WIPF3: variants seen among roughly 807,000 people sequenced by gnomAD.
WIPF3 encodes the protein WAS/WASL-interacting protein family member 3.
Under a neutral mutation model 38.9 loss-of-function variants are expected in WIPF3, and 33 were observed. The observed-to-expected ratio is 0.85, with a 90% CI of 0.64 to 1.14. The LOEUF is 1.14. WIPF3 is among the 50% of genes most tolerant of loss of function. WIPF3 has a pLI of 0.00. For missense variants in WIPF3, 711 were observed against 652.5 expected (o/e 1.09, Z -0.98); for synonymous variants, 324 against 269.3 (o/e 1.20, Z -1.99).
intron 2 of WIPF3, among the ~76,000 whole-genome samples, chr7:29,861,451 G>T (rs1032854631): frequency 3.9e-5 from 6 of 152,156 alleles, no homozygotes; most frequent in African/African-American, 1.4e-4. Context: ...AAGGGGTGGT[G>T]GCAGGGGTAC....
At chr7:29,861,193 A>G (rs1475000809) in intron 2 of WIPF3, among the ~76,000 whole-genome samples, 2 of 151,772 alleles carry the variant, frequency 1.3e-5, no homozygotes, top group African/African-American at 4.8e-5. Context: ...ATTTCCCCCT[A>G]CTCTGTCCCT....
At chr7:29,842,548 A>G (rs981779102) in intron 2 of WIPF3, among the ~76,000 whole-genome samples, 1 of 152,184 alleles carries the variant, frequency 6.6e-6, no homozygotes, top group Non-Finnish European at 1.5e-5. Flanking sequence ...TTGTAGTCTA[A>G]GGATTGCATG....
chr7:29,880,579 T>G (rs1416915479), intron 4 of WIPF3, among the ~76,000 whole-genome samples: 1 of 152,144 alleles, frequency 6.6e-6, no homozygotes, highest in East Asian at 1.9e-4. Context: ...CAGTTTCTCT[T>G]CATAGAAGAT....
At chr7:29,833,682 A>G (rs1430038460) in intron 1 of WIPF3, among the ~76,000 whole-genome samples, 2 of 152,214 alleles carry the variant, frequency 1.3e-5, no homozygotes, top group African/African-American at 2.4e-5. Context: ...TTTAAAGATG[A>G]AAAAACATAG....
chr7:29,818,025 T>C (rs1054036679), intron 1 of WIPF3, among the ~76,000 whole-genome samples: 1 of 152,218 alleles, frequency 6.6e-6, no homozygotes, highest in Non-Finnish European at 1.5e-5. Context: ...TTAGGTATAC[T>C]TTTTTAAAGT....
chr7:29,886,043 A>G (rs553128784), intron 5 of WIPF3, among the ~76,000 whole-genome samples: 39 of 152,212 alleles, frequency 2.6e-4, no homozygotes, highest in Non-Finnish European at 5.6e-4. Context: ...AATATATTCC[A>G]TATTCCTCAT....
At chr7:29,829,171 A>G (rs922764296) in intron 1 of WIPF3, among the ~76,000 whole-genome samples, 4 of 143,750 alleles carry the variant, frequency 2.8e-5, no homozygotes, top group African/African-American at 7.8e-5. Flanking sequence ...ATCCCTTAGC[A>G]CTCTCTACCT....
chr7:29,853,384 GCTT>G (rs1785136843), intron 2 of WIPF3, among the ~76,000 whole-genome samples: 1 of 152,186 alleles, frequency 6.6e-6, no homozygotes, highest in African/African-American at 2.4e-5. Context: ...CTATGGCTGT[GCTT>G]CTCACAGGGA....
At chr7:29,851,116 C>T (rs1785088045) in intron 2 of WIPF3, among the ~76,000 whole-genome samples, 1 of 152,128 alleles carries the variant, frequency 6.6e-6, no homozygotes, top group Middle Eastern at 3.2e-3. Flanking sequence ...TACAGCAAAC[C>T]CTCCTGTGTC....
chr7:29,826,912 A>T (rs1161982492), intron 1 of WIPF3, among the ~76,000 whole-genome samples: 4 of 152,206 alleles, frequency 2.6e-5, no homozygotes, highest in Admixed American at 2.0e-4. Context: ...CACTAATGAC[A>T]CTGTGTGACC....
At chr7:29,837,318 T>G (rs1178710287) in intron 2 of WIPF3, among the ~76,000 whole-genome samples, 2 of 152,172 alleles carry the variant, frequency 1.3e-5, no homozygotes, top group Non-Finnish European at 2.9e-5. Context: ...ACCACGCCAC[T>G]GCACTCCAGC....
At chr7:29,852,381 C>A (rs966102868) in intron 2 of WIPF3, among the ~76,000 whole-genome samples, 1 of 152,212 alleles carries the variant, frequency 6.6e-6, no homozygotes, top group African/African-American at 2.4e-5. Context: ...GTGCCATGAC[C>A]ATACCACATC....
At chr7:29,816,773 T>C (rs953455212) in intron 1 of WIPF3, among the ~76,000 whole-genome samples, 1 of 152,228 alleles carries the variant, frequency 6.6e-6, no homozygotes, top group Non-Finnish European at 1.5e-5. Flanking sequence ...CATAATTTAA[T>C]AATTAGTTTT....
chr7:29,829,407 C>A (rs917976366), intron 1 of WIPF3, among the ~76,000 whole-genome samples: 13 of 151,806 alleles, frequency 8.6e-5, no homozygotes, highest in Non-Finnish European at 1.6e-4. Flanking sequence ...TTAGTAGAGA[C>A]GGGGTTTCAC....
intron 1 of WIPF3, among the ~76,000 whole-genome samples, chr7:29,809,758 G>A (rs1437348028): frequency 1.3e-5 from 2 of 152,284 alleles, no homozygotes; most frequent in East Asian, 3.9e-4. Context: ...AGTGAACTGC[G>A]GTGTTCAAGT....
chr7:29,828,719 A>G (rs879739919), intron 1 of WIPF3, among the ~76,000 whole-genome samples: 17 of 152,098 alleles, frequency 1.1e-4, no homozygotes, highest in Non-Finnish European at 2.4e-4. Context: ...GCGCTCTTTC[A>G]CCTGTTATTT....
intron 2 of WIPF3, among the ~76,000 whole-genome samples, chr7:29,845,295 G>A (rs555396390): frequency 2.6e-5 from 4 of 152,198 alleles, no homozygotes; most frequent in Non-Finnish European, 5.9e-5. Flanking sequence ...GCAGTGCGGG[G>A]CACATAGTGA....
rs537451929 is a variant in WIPF3, at chr7:29,883,108, C to G, written c.356-742C>G. 1.6e-4 allele frequency among the ~76,000 whole-genome samples: 24 copies of G among 152,312 alleles called. No homozygotes were observed. In the Middle Eastern group the frequency reaches 0.017, roughly 108 times the overall value. On this transcript the variant is annotated intron_variant, in intron 4 of 8. Transcript: ENST00000242140. ...ATGAAAACCAAACGCAAATGCTTAT[C>G]AAGAGCCAATGGTTGTTGTTGAATT...
chr7:29,810,846 A>G (rs907924534), intron 1 of WIPF3, among the ~76,000 whole-genome samples: 4 of 152,188 alleles, frequency 2.6e-5, no homozygotes, highest in African/African-American at 7.2e-5. Context: ...AATGAGGATA[A>G]TAATAGTATT....
Sources: gnomAD v4.1 joint callset for allele counts (sites outside exome capture counted in the v4.1 genomes callset) on GRCh38, gnomAD v4.1.1 for gene constraint, MANE v1.5 for transcripts, NCBI Gene and HGNC (gene_info 2026-07-23, HGNC 2026-07-21) for gene names.